Variants in NAPSA observed in about 807,000 individuals in gnomAD.
NAPSA encodes napsin-A.
In NAPSA, 37 loss-of-function variants were observed where a neutral mutation model predicts 36.7. The ratio of observed to expected loss-of-function variants is 1.01; its 90% confidence interval spans 0.78 to 1.33. The LOEUF is 1.33. NAPSA is among the 40% of genes most tolerant of loss of function. NAPSA has a pLI of 0.00. For synonymous variants in NAPSA, 222 were observed against 234.5 expected (o/e 0.95, Z 0.49); for missense variants, 532 against 543.8 (o/e 0.98, Z 0.21).
In NAPSA at chr19:50,365,475, G is replaced by C. The variant is rs2037535373; in HGVS notation, c.83+64C>G. On this transcript the variant is annotated intron_variant, in intron 1 of 8. Coordinates refer to ENST00000253719, the MANE Select transcript of NAPSA (RefSeq NM_004851.3). ...GGGGATCACTGAACTGGGAGTCCTA[G>C]ACTTAAAGGGCAAGAGGCAGAAAAT... 6 of 1,515,984 alleles carry C rather than the reference G, an allele frequency of 4.0e-6. No individual in the cohort carries two copies. In the Admixed American group the frequency reaches 6.9e-5, roughly 17 times the overall value. 93.9% of individuals were successfully genotyped at this position (1,515,984 alleles called of 1,614,324 possible).
rs2037466653 is a variant in NAPSA, at chr19:50,361,093, C to T, written c.516G>A (p.Trp172Ter). Residue 172 changes from tryptophan to a stop codon, truncating the protein, a stop_gained, in exon 5 of 9, where the codon TGG (tryptophan) becomes TGA (stop). Coordinates refer to ENST00000253719, the MANE Select transcript of NAPSA (RefSeq NM_004851.3). LOFTEE classifies it high-confidence loss of function. ...GASVIFGEAL[W>*]EPSLVFAFAH... ...CAAAAGCGAAGACCAGGCTGGGCTCCCAGAGAGCCTCCCCGAAAATCACTG... is the reference window on the plus strand; with the variant it reads ...CAAAAGCGAAGACCAGGCTGGGCTCTCAGAGAGCCTCCCCGAAAATCACTG... The T allele has an allele frequency of 1.2e-6, 2 of 1,613,982 alleles. No individual in the cohort carries two copies. The highest frequency in any genetic ancestry group is 2.2e-5 in the South Asian group (2 of 91,078).
In NAPSA at chr19:50,359,849, G is replaced by C. The variant is rs1224760809; in HGVS notation, c.682C>G (p.Pro228Ala). The C allele has an allele frequency of 6.2e-7, 1 of 1,614,128 alleles. No homozygotes were observed. The highest frequency in any genetic ancestry group is 2.2e-5 in the East Asian group (1 of 44,884). The change falls in exon 6 of 9, where the codon CCT becomes GCT. Residue 228 changes from proline to alanine, a missense_variant. By Grantham distance (27) the Pro-to-Ala change is conservative. Coordinates refer to ENST00000253719, the MANE Select transcript of NAPSA (RefSeq NM_004851.3). Reference sequence around the variant, plus strand: ...CCCAGGACCAGCTCTCCTCCATCAGGCTCTTCAGGGTCCCTGCAGGGGCAG... The same window carrying C: ...CCCAGGACCAGCTCTCCTCCATCAGCCTCTTCAGGGTCCCTGCAGGGGCAG... ...SFYLNRDPEE[P>A]DGGELVLGGS...
chr19:50,360,330 G>A (rs2037455596), intron 5 of NAPSA, among the ~76,000 whole-genome samples: 1 of 152,150 alleles, frequency 6.6e-6, no homozygotes, highest in Non-Finnish European at 1.5e-5. Flanking sequence ...GAAGGTGGAG[G>A]AGAGCAGGAT....
At chr19:50,358,871 T>G in intron 8 of NAPSA, 91 bp from the exon 9 acceptor site, 1 of 1,376,328 alleles carries the variant, frequency 7.3e-7, no homozygotes, top group Non-Finnish European at 9.9e-7. Flanking sequence ...CCTCGGGTTC[T>G]TTGATGTTCG....
At chr19:50,364,719 G>T (rs955701651) in intron 1 of NAPSA, among the ~76,000 whole-genome samples, 2 of 150,772 alleles carry the variant, frequency 1.3e-5, no homozygotes, top group African/African-American at 4.9e-5. Context: ...GGGACCGGAC[G>T]CGGGGGCTCA....
chr19:50,359,186 A>T, intron 7 of NAPSA, 77 bp from the exon 8 acceptor site: 2 of 1,308,520 alleles, frequency 1.5e-6, no homozygotes, highest in Admixed American at 3.6e-5. Context: ...CCAGTGCCAT[A>T]GGGTAATTTC....
At position 50,358,788 on chromosome 19, in the gene NAPSA, G is replaced by A; in HGVS notation, c.1036-8C>T. ...GACGCCATTTCGAGTAGTCTGCAAGGCAACAAGACGACAACTGGGTGTCGC... is the reference window on the plus strand; with the variant it reads ...GACGCCATTTCGAGTAGTCTGCAAGACAACAAGACGACAACTGGGTGTCGC... On this transcript the variant is annotated splice_region_variant and splice_polypyrimidine_tract_variant and intron_variant, in intron 8 of 8. Coordinates refer to ENST00000253719, the MANE Select transcript of NAPSA (RefSeq NM_004851.3). 6 of 1,602,322 alleles carry A rather than the reference G, an allele frequency of 3.7e-6. No individual in the cohort carries two copies. The highest frequency in any genetic ancestry group is 5.1e-6 in the Non-Finnish European group (6 of 1,174,374).
intron 7 of NAPSA, 109 bp downstream of exon 7, chr19:50,359,394 G>T: frequency 7.0e-7 from 1 of 1,432,042 alleles, no homozygotes. Context: ...AGTGCCTGCT[G>T]CCCTGGAAAG....
At chr19:50,359,176 C>A in intron 7 of NAPSA, 67 bp from the exon 8 acceptor site, 1 of 1,375,748 alleles carries the variant, frequency 7.3e-7, no homozygotes, top group Middle Eastern at 1.8e-4. Context: ...CCGTGGCTCC[C>A]CAGTGCCATA....
At chr19:50,358,950 A>G (rs1306135301) in intron 8 of NAPSA, 61 bp downstream of exon 8, 17 of 1,468,828 alleles carry the variant, frequency 1.2e-5, no homozygotes, top group Non-Finnish European at 1.6e-5. Context: ...GACGTCTCTC[A>G]GCTCTACCCT....
intron 1 of NAPSA, among the ~76,000 whole-genome samples, chr19:50,365,035 T>C (rs1568588110): frequency 7.0e-6 from 1 of 143,294 alleles, no homozygotes; most frequent in Non-Finnish European, 1.5e-5. Flanking sequence ...ATAATAATAA[T>C]AATAAAAGGG....
intron 4 of NAPSA, chr19:50,361,416 G>A (rs1278084886): frequency 8.6e-6 from 5 of 578,434 alleles, no homozygotes; most frequent in Non-Finnish European, 1.5e-5. Context: ...TGCTTGAGAA[G>A]CCCCACCTCT....
In NAPSA at chr19:50,358,555, AC is replaced by A. The variant is rs764936317; in HGVS notation, c.1260del (p.Ter421AspfsTer26). The A allele has an allele frequency of 3.4e-5, 54 of 1,588,214 alleles. No homozygotes were observed. The Middle Eastern group carries it at 5.1e-4, about 15-fold the overall frequency. On this transcript the variant is annotated frameshift_variant, in exon 9 of 9. Transcript: ENST00000253719. LOFTEE classifies it high-confidence loss of function. ...TGCGCATGCGCTTCACTTGGGCGTCACCCGGGGAACTGCGCCTGCGCAGTCT... is the reference window on the plus strand; with the variant it reads ...TGCGCATGCGCTTCACTTGGGCGTCACCGGGGAACTGCGCCTGCGCAGTCT... ...WGETAQAQFP[G>X]
At chr19:50,363,729 A>C (rs757915242) in intron 1 of NAPSA, among the ~76,000 whole-genome samples, 16 of 151,878 alleles carry the variant, frequency 1.1e-4, no homozygotes, top group Non-Finnish European at 1.8e-4. Context: ...ACACTGAGCT[A>C]ATTTTTGTAT....
At position 50,362,223 on chromosome 19, in the gene NAPSA, G is replaced by T; in HGVS notation, c.174C>A (p.Ala58=). Residue 58 remains alanine, a synonymous_variant, in exon 2 of 9, where the codon GCC becomes GCA. Coordinates refer to ENST00000253719, the MANE Select transcript of NAPSA (RefSeq NM_004851.3). Reference sequence around the variant, plus strand: ...AGATGGGCTTGTCCCCAGGGGATGGGGCCCCCAACTTGGGGAGCTCTGCTG... The same window carrying T: ...AGATGGGCTTGTCCCCAGGGGATGGTGCCCCCAACTTGGGGAGCTCTGCTG... ...REPAELPKLG[A]PSPGDKPIFV... 1 of 1,614,076 alleles carries T rather than the reference G, an allele frequency of 6.2e-7. No individual in the cohort carries two copies. The highest frequency in any genetic ancestry group is 8.5e-7 in the Non-Finnish European group (1 of 1,179,988).
intron 4 of NAPSA, 47 bp downstream of exon 4, chr19:50,361,616 T>C (rs2037474128): frequency 1.0e-5 from 15 of 1,495,590 alleles, no homozygotes; most frequent in African/African-American, 1.4e-5. Flanking sequence ...TCTTAGACAA[T>C]GGGGTTCTCC....
chr19:50,361,558 C>G, intron 4 of NAPSA, 105 bp downstream of exon 4: 1 of 954,276 alleles, frequency 1.0e-6, no homozygotes, highest in South Asian at 1.4e-5. Context: ...AAAGCCCCAT[C>G]CATTGGCTTG....
At chr19:50,364,756 G>C (rs941256512) in intron 1 of NAPSA, among the ~76,000 whole-genome samples, 3 of 151,300 alleles carry the variant, frequency 2.0e-5, no homozygotes, top group Admixed American at 1.3e-4. Context: ...ACTTTTGGAG[G>C]CTGAGGCGGA....
chr19:50,359,582 G>A lies in NAPSA; in HGVS notation c.857C>T (p.Thr286Met), dbSNP rs375150094. ...KGCAAILDTG[T>M]SLITGPTEEI... Reference sequence around the variant, plus strand: ...CTCAGTGGGTCCTGTGATGAGGGACGTGCCCGTATCCAGGATGGCAGCACA... The same window carrying A: ...CTCAGTGGGTCCTGTGATGAGGGACATGCCCGTATCCAGGATGGCAGCACA... The change falls in exon 7 of 9, where the codon ACG becomes ATG. Residue 286 changes from threonine to methionine, a missense_variant. Physicochemically the swap from Thr to Met is moderately conservative, Grantham distance 81 (BLOSUM62 -1). Around this residue, in one of 3 missense-constraint regions of NAPSA, gnomAD observed 385 missense variants for 371.5 expected, o/e 1.04. Coordinates refer to ENST00000253719, the MANE Select transcript of NAPSA (RefSeq NM_004851.3). 6 of 1,614,104 alleles carry A rather than the reference G, an allele frequency of 3.7e-6. No homozygotes were observed. The highest frequency in any genetic ancestry group is 2.2e-5 in the East Asian group (1 of 44,906).
Sources: allele counts gnomAD v4.1 joint callset (sites outside exome capture counted in the v4.1 genomes callset), GRCh38; gene constraint gnomAD v4.1.1; regional missense constraint gnomAD v4.1.1; transcripts MANE v1.5; gene names NCBI Gene and HGNC (gene_info 2026-07-23, HGNC 2026-07-21).